Variants in HMBOX1 observed in about 807,000 individuals in gnomAD.
The protein encoded by HMBOX1 is homeobox containing 1, also known as homeobox-containing protein 1.
In HMBOX1, 14 loss-of-function variants were observed where a neutral mutation model predicts 54.5. That is an observed-to-expected ratio of 0.26 (90% CI 0.17 to 0.40). The LOEUF (loss-of-function observed/expected upper bound fraction) is 0.40. Ranked by LOEUF, HMBOX1 falls within the 10% of genes least tolerant of loss-of-function variation. The pLI, the probability that HMBOX1 is intolerant of heterozygous loss-of-function variation, is 1.00. For synonymous variants in HMBOX1, 160 were observed against 181.0 expected (o/e 0.88, Z 0.93); for missense variants, 332 against 514.4 (o/e 0.65, Z 3.43).
intron 6 of HMBOX1, among the ~76,000 whole-genome samples, chr8:29,025,710 A>G (rs1801912723): frequency 6.6e-6 from 1 of 152,164 alleles, no homozygotes; most frequent in Non-Finnish European, 1.5e-5. Flanking sequence ...ATGAGTGTGA[A>G]TAAACTCTGG....
At chr8:28,896,839 G>T (rs903554861) in intron 1 of HMBOX1, among the ~76,000 whole-genome samples, 3 of 152,160 alleles carry the variant, frequency 2.0e-5, no homozygotes, top group Non-Finnish European at 4.4e-5. Flanking sequence ...CTGTCATTAA[G>T]TGTTGCATTG....
rs1827156999 is a variant in HMBOX1, at chr8:28,970,243, G to T, written c.224G>T (p.Ser75Ile). ...SSYGGSSYGN[S>I]TNNVPASSST... ...TATGGAGGAAGTTCATATGGGAATAGTACTAACAATGTCCCAGCATCTTCC... is the reference window on the plus strand; with the variant it reads ...TATGGAGGAAGTTCATATGGGAATATTACTAACAATGTCCCAGCATCTTCC... Residue 75 changes from serine (S) to isoleucine (I), a missense_variant, in exon 3 of 10, where the codon AGT (serine) becomes ATT (isoleucine). Ser to Ile is a moderately radical substitution (Grantham distance 142). Coordinates refer to ENST00000287701, the MANE Select transcript of HMBOX1 (RefSeq NM_001135726.3). The surrounding 1 kb of genome is among the most constrained non-coding windows in gnomAD (Gnocchi z 4.3). 6.2e-7 allele frequency: 1 copy of T among 1,614,056 alleles called. No individual in the cohort carries two copies. Among genetic ancestry groups the T allele is most frequent in the Non-Finnish European group, 8.5e-7 (1 of 1,180,004 alleles).
intron 9 of HMBOX1, 148 bp from the exon 10 acceptor site, chr8:29,050,868 ACT>A: frequency 1.5e-6 from 1 of 646,966 alleles, no homozygotes; most frequent in Non-Finnish European, 2.6e-6. Flanking sequence ...TTCAGTGTCT[ACT>A]TAAATACAAT....
rs772829030 is a variant in HMBOX1 at position 29,051,497 on chromosome 8, T to G, written c.*342T>G. On this transcript the variant is annotated 3_prime_UTR_variant, in exon 10 of 10. Transcript: ENST00000287701. ...CAAATATTAGACTACGTGTAAAATC[T>G]TGGGTACCTTTAGATTCTTGTAACA... The G allele has an allele frequency of 1.8e-4, 129 of 702,138 alleles. No individual in the cohort carries two copies. The highest frequency in any genetic ancestry group is 3.1e-4 in the Non-Finnish European group (121 of 384,400). 43.5% of individuals were successfully genotyped at this position (702,138 alleles called of 1,614,324 possible). A position where few individuals can be genotyped will look rare whatever the true frequency, so the allele number is the denominator to read the frequency against.
intron 4 of HMBOX1, among the ~76,000 whole-genome samples, chr8:28,983,890 C>T (rs1829791459): frequency 6.6e-6 from 1 of 152,172 alleles, no homozygotes. Flanking sequence ...CATATTGGTT[C>T]ATTGTCCTGT....
intron 5 of HMBOX1, among the ~76,000 whole-genome samples, chr8:29,011,343 A>C (rs887456468): frequency 2.0e-5 from 3 of 152,204 alleles, no homozygotes; most frequent in Non-Finnish European, 4.4e-5. Flanking sequence ...GGTTTTGTTA[A>C]AATGGTGACC....
At chr8:28,996,514 G>A (rs1468280467) in intron 4 of HMBOX1, among the ~76,000 whole-genome samples, 2 of 152,148 alleles carry the variant, frequency 1.3e-5, no homozygotes, top group African/African-American at 4.8e-5. Context: ...AGCTATTTGG[G>A]AGGCTGAGGA....
At chr8:29,049,821 G>A (rs974503992) in intron 9 of HMBOX1, among the ~76,000 whole-genome samples, 2 of 152,184 alleles carry the variant, frequency 1.3e-5, no homozygotes, top group African/African-American at 2.4e-5. Flanking sequence ...CTAGACCACA[G>A]CAAGAAAACT....
At chr8:29,020,012 A>G (rs1233902232) in intron 6 of HMBOX1, among the ~76,000 whole-genome samples, 1 of 152,220 alleles carries the variant, frequency 6.6e-6, no homozygotes, top group Non-Finnish European at 1.5e-5. Flanking sequence ...TCTCTTTATT[A>G]TAGATAAGAG....
chr8:28,940,349 C>G (rs565936846), intron 1 of HMBOX1, among the ~76,000 whole-genome samples: 1 of 152,316 alleles, frequency 6.6e-6, no homozygotes, highest in East Asian at 1.9e-4. Context: ...TGAGCTTTAT[C>G]ATTAGTTCCT....
intron 3 of HMBOX1, among the ~76,000 whole-genome samples, chr8:28,974,565 C>T (rs1376669147): frequency 4.6e-5 from 7 of 152,078 alleles, no homozygotes; most frequent in African/African-American, 7.2e-5. Flanking sequence ...AGGCTTTATT[C>T]TAAGTTGATT....
At chr8:29,030,145 A>G (rs1014913589) in intron 6 of HMBOX1, among the ~76,000 whole-genome samples, 2 of 148,206 alleles carry the variant, frequency 1.3e-5, no homozygotes, top group Non-Finnish European at 3.0e-5. Flanking sequence ...GCTTTAGCAT[A>G]TCTTATATTT....
At chr8:29,025,177 A>G (rs1801834993) in intron 6 of HMBOX1, among the ~76,000 whole-genome samples, 1 of 152,234 alleles carries the variant, frequency 6.6e-6, no homozygotes, top group African/African-American at 2.4e-5. Context: ...CAGAAAAAAA[A>G]TGGAAGAAAA....
At chr8:28,982,459 T>C (rs557252054) in intron 4 of HMBOX1, among the ~76,000 whole-genome samples, 1 of 152,112 alleles carries the variant, frequency 6.6e-6, no homozygotes, top group East Asian at 1.9e-4. Flanking sequence ...TGTTTGTTTG[T>C]TTGTTTGAGA....
intron 1 of HMBOX1, among the ~76,000 whole-genome samples, chr8:28,894,838 T>G (rs997026205): frequency 2.0e-5 from 3 of 152,088 alleles, no homozygotes; most frequent in Admixed American, 2.0e-4. Flanking sequence ...TTTACCCTTA[T>G]AGTGGTAATA....
intron 5 of HMBOX1, among the ~76,000 whole-genome samples, chr8:29,012,255 G>A (rs1465520371): frequency 6.6e-6 from 1 of 152,154 alleles, no homozygotes; most frequent in Non-Finnish European, 1.5e-5. Context: ...AGAATTTGGA[G>A]CTACTATTAT....
chr8:29,009,141 G>A lies in HMBOX1; in HGVS notation c.656G>A (p.Arg219Lys), dbSNP rs774001769. The A allele has an allele frequency of 9.9e-6, 16 of 1,613,478 alleles. No individual in the cohort carries two copies. The highest frequency in any genetic ancestry group is 2.2e-5 in the South Asian group (2 of 91,086). ...TCAGACCTGAGTGAACAGAAGAAAAGAGCATTTTACCGATGGTATCAACTT... is the reference window on the plus strand; with the variant it reads ...TCAGACCTGAGTGAACAGAAGAAAAAAGCATTTTACCGATGGTATCAACTT... Reference protein sequence around the residue: ...QGSDLSEQKKRAFYRWYQLEK... With the variant: ...QGSDLSEQKKKAFYRWYQLEK... Residue 219 changes from arginine (R) to lysine (K), a missense_variant, in exon 5 of 10, where the codon AGA becomes AAA. Transcript: ENST00000287701.
chr8:29,043,250 A>G (rs1190174166), intron 6 of HMBOX1, among the ~76,000 whole-genome samples: 5 of 152,184 alleles, frequency 3.3e-5, no homozygotes, highest in African/African-American at 1.2e-4. Flanking sequence ...GCTTTTATCT[A>G]CCATTTTGCC....
intron 1 of HMBOX1, among the ~76,000 whole-genome samples, chr8:28,921,276 C>T (rs755970157): frequency 2.0e-5 from 3 of 152,194 alleles, no homozygotes; most frequent in Non-Finnish European, 4.4e-5. Context: ...GCAGAGGTTG[C>T]GGTGAGCTGA....
Sources: allele counts gnomAD v4.1 joint callset (sites outside exome capture counted in the v4.1 genomes callset), GRCh38; gene constraint gnomAD v4.1.1; non-coding constraint Gnocchi (gnomAD v3.1); transcripts MANE v1.5; gene names NCBI Gene and HGNC (gene_info 2026-07-23, HGNC 2026-07-21).